The following SOX6 variants were observed in gnomAD, a reference collection of about 807,000 sequenced individuals.
SOX6 encodes transcription factor SOX-6.
SOX6 carries 11 observed loss-of-function variants against 97.8 expected under a neutral mutation model. That is an observed-to-expected ratio of 0.11 (90% CI 0.07 to 0.19). SOX6 has a LOEUF of 0.19. Among genes scored for constraint, SOX6 ranks in the 10% least tolerant of loss-of-function variants. The probability of loss-of-function intolerance (pLI) is 1.00; values close to 1 mark genes in which losing one functional copy is unlikely to be tolerated. For synonymous variants in SOX6, 360 were observed against 371.4 expected, an observed-to-expected ratio of 0.97 and a Z score of 0.35; for missense variants, 810 against 1,039.5, an observed-to-expected ratio of 0.78 and a Z score of 3.04.
At chr11:16,279,069 G>C (rs1433786129) in intron 3 of SOX6, among the ~76,000 whole-genome samples, 1 of 152,016 alleles carries the variant, frequency 6.6e-6, no homozygotes, top group Non-Finnish European at 1.5e-5. Flanking sequence ...GAAACTGCAG[G>C]ACTCTTGATA....
intron 6 of SOX6, among the ~76,000 whole-genome samples, chr11:16,121,330 T>G: frequency 6.6e-6 from 1 of 151,946 alleles, no homozygotes; most frequent in Non-Finnish European, 1.5e-5. Context: ...AAATAAAAAG[T>G]TAGTTTAGGC....
chr11:16,512,652 T>C (rs1231105076), intron 4 of SOX6, among the ~76,000 whole-genome samples: 3 of 152,216 alleles, frequency 2.0e-5, no homozygotes, highest in African/African-American at 7.2e-5. Flanking sequence ...CCCAACCATG[T>C]AGTAAAGTAA....
chr11:16,419,555 T>A (rs1858988651), intron 1 of SOX6, among the ~76,000 whole-genome samples: 1 of 151,906 alleles, frequency 6.6e-6, no homozygotes, highest in African/African-American at 2.4e-5. Flanking sequence ...ATGCAAAATA[T>A]CTTATTTTCT....
At chr11:16,260,221 C>T (rs960387182) in intron 3 of SOX6, among the ~76,000 whole-genome samples, 2 of 151,920 alleles carry the variant, frequency 1.3e-5, no homozygotes, top group African/African-American at 2.4e-5. Flanking sequence ...ACGATGGTCT[C>T]GATCTCCTGA....
chr11:16,689,613 T>C (rs1847997290), intron 3 of SOX6, among the ~76,000 whole-genome samples: 1 of 152,234 alleles, frequency 6.6e-6, no homozygotes. Context: ...AGCAGCATGC[T>C]TGGCATTCAC....
At chr11:16,107,144 A>G (rs971965042) in intron 7 of SOX6, among the ~76,000 whole-genome samples, 1 of 152,032 alleles carries the variant, frequency 6.6e-6, no homozygotes, top group African/African-American at 2.4e-5. Context: ...TCTCGTGGGA[A>G]TATAAAATGG....
chr11:16,718,914 T>C (rs912346664), intron 2 of SOX6, among the ~76,000 whole-genome samples: 8 of 151,230 alleles, frequency 5.3e-5, no homozygotes, highest in African/African-American at 1.9e-4. Context: ...GATGGATTGC[T>C]TGAGCACAGG....
chr11:16,325,082 T>C (rs1051853407), intron 2 of SOX6, among the ~76,000 whole-genome samples: 2 of 152,238 alleles, frequency 1.3e-5, no homozygotes, highest in Admixed American at 1.3e-4. Flanking sequence ...CTCTGAGTAT[T>C]GGGACAACAG....
chr11:16,625,355 A>G (rs1848609813), intron 3 of SOX6, among the ~76,000 whole-genome samples: 1 of 152,202 alleles, frequency 6.6e-6, no homozygotes, highest in Non-Finnish European at 1.5e-5. Flanking sequence ...GTGTGAAATA[A>G]GATGAAATCC....
intron 2 of SOX6, among the ~76,000 whole-genome samples, chr11:16,720,947 T>C (rs1848256311): frequency 6.6e-6 from 1 of 152,134 alleles, no homozygotes; most frequent in Non-Finnish European, 1.5e-5. Flanking sequence ...TCCAGTAGCA[T>C]CTTCCCAGTG....
At chr11:16,276,815 T>C (rs1042158760) in intron 3 of SOX6, among the ~76,000 whole-genome samples, 3 of 152,220 alleles carry the variant, frequency 2.0e-5, no homozygotes, top group Non-Finnish European at 4.4e-5. Flanking sequence ...TCTTTTGTTG[T>C]GGATACTTGC....
chr11:16,602,095 T>A (rs1565190654), intron 4 of SOX6, among the ~76,000 whole-genome samples: 2 of 152,308 alleles, frequency 1.3e-5, no homozygotes, highest in South Asian at 4.1e-4. Flanking sequence ...TGCTCCATAA[T>A]AAAGAACTCA....
chr11:16,206,757 T>G (rs549583910), intron 4 of SOX6, among the ~76,000 whole-genome samples: 2 of 152,308 alleles, frequency 1.3e-5, no homozygotes, highest in Admixed American at 6.5e-5. Flanking sequence ...TAGCGTAATA[T>G]AGAAATATTA....
intron 7 of SOX6, among the ~76,000 whole-genome samples, chr11:16,106,427 C>T (rs1410130588): frequency 1.3e-5 from 2 of 151,610 alleles, no homozygotes; most frequent in African/African-American, 2.4e-5. Context: ...AAAATTAAAA[C>T]CTTTACATAT....
chr11:16,194,998 T>C (rs1323391114), intron 4 of SOX6, among the ~76,000 whole-genome samples: 1 of 152,206 alleles, frequency 6.6e-6, no homozygotes, highest in Non-Finnish European at 1.5e-5. Flanking sequence ...TTCTGGCCTT[T>C]CAGAAACATG....
chr11:16,064,917 A>G (rs771971027), intron 9 of SOX6, among the ~76,000 whole-genome samples: 19 of 152,034 alleles, frequency 1.2e-4, no homozygotes, highest in Non-Finnish European at 2.5e-4. Flanking sequence ...ACCATACTCA[A>G]TGGAGAAAAA....
chr11:16,470,274 G>C (rs923989497), intron 1 of SOX6, among the ~76,000 whole-genome samples: 3 of 152,188 alleles, frequency 2.0e-5, no homozygotes, highest in Admixed American at 2.0e-4. Context: ...TCTATGTCAA[G>C]ATTAGCCTGG....
chr11:16,331,295 G>T (rs1856288513), intron 2 of SOX6, among the ~76,000 whole-genome samples: 1 of 152,108 alleles, frequency 6.6e-6, no homozygotes, highest in Admixed American at 6.5e-5. Context: ...AAGTATCAGA[G>T]CCCAATCAAG....
chr11:16,216,424 C>CCTGGTT lies in SOX6; in HGVS notation c.535+18152_535+18157dup, dbSNP rs561019250. Reference sequence around the variant, plus strand: ...ATGAGATGAATTCTCAAGATCCCTTCCTGGTTCTGAGATTAATGTTCCAAC... The same window carrying CCTGGTT: ...ATGAGATGAATTCTCAAGATCCCTTCCTGGTTCTGGTTCTGAGATTAATGTTCCAAC... On this transcript the variant is annotated intron_variant, in intron 4 of 15. Coordinates refer to ENST00000683767, the MANE Select transcript of SOX6 (RefSeq NM_001367873.1). Among the ~76,000 whole-genome samples the CCTGGTT allele has an allele frequency of 1.8e-3, 279 of 152,232 alleles. 2 individuals are homozygous for CCTGGTT. Among genetic ancestry groups the CCTGGTT allele is most frequent in the Non-Finnish European group, 1.3e-3 (90 of 68,014 alleles).
Sources: allele counts gnomAD v4.1 joint callset (sites outside exome capture counted in the v4.1 genomes callset), GRCh38; gene constraint gnomAD v4.1.1; transcripts MANE v1.5; gene names NCBI Gene and HGNC (gene_info 2026-07-23, HGNC 2026-07-21).